Variants in CACNA1C observed in about 807,000 individuals in gnomAD.
The protein encoded by CACNA1C is calcium voltage-gated channel subunit alpha1 C.
A neutral mutation model predicts 229.0 loss-of-function variants in CACNA1C; 30 were observed. The ratio of observed to expected loss-of-function variants is 0.13; its 90% CI spans 0.10 to 0.18. The LOEUF (loss-of-function observed/expected upper bound fraction) is 0.18, where lower values mean the gene tolerates loss of function less well. Among genes scored for constraint, CACNA1C ranks in the 10% least tolerant of loss-of-function variants. CACNA1C has a pLI of 1.00. For synonymous variants in CACNA1C, 1,114 were observed against 1,132.5 expected (o/e 0.98, Z 0.33); for missense variants, 1,658 against 2,845.0 (o/e 0.58, Z 9.49).
At chr12:2,355,038 T>C (rs1243306210) in intron 3 of CACNA1C, among the ~76,000 whole-genome samples, 1 of 152,110 alleles carries the variant, frequency 6.6e-6, no homozygotes, top group Non-Finnish European at 1.5e-5. Flanking sequence ...TAACATTGTG[T>C]AAGGTTGGAT....
chr12:2,518,858 G>GGA (rs1302355958), intron 9 of CACNA1C, among the ~76,000 whole-genome samples: 5 of 152,344 alleles, frequency 3.3e-5, no homozygotes, highest in Middle Eastern at 6.8e-3. Flanking sequence ...AGTAGCTCCT[G>GGA]GGCCTTCACG....
chr12:2,330,417 G>A (rs534549951), intron 3 of CACNA1C, among the ~76,000 whole-genome samples: 6 of 152,312 alleles, frequency 3.9e-5, no homozygotes, highest in African/African-American at 1.4e-4. Context: ...AAGATTTATT[G>A]AGTTCCTCCA....
intron 3 of CACNA1C, among the ~76,000 whole-genome samples, chr12:2,356,617 A>T (rs2097370802): frequency 6.6e-6 from 1 of 152,224 alleles, no homozygotes; most frequent in South Asian, 2.1e-4. Flanking sequence ...GTGAGGCAGA[A>T]AAAACATGAC....
chr12:2,380,113 A>C (rs1253227870), intron 3 of CACNA1C, among the ~76,000 whole-genome samples: 1 of 151,940 alleles, frequency 6.6e-6, no homozygotes, highest in Non-Finnish European at 1.5e-5. Context: ...GTGATGGTCA[A>C]GTCAGCTTAA....
At chr12:2,478,449 A>G (rs2099642636) in intron 5 of CACNA1C, among the ~76,000 whole-genome samples, 3 of 152,156 alleles carry the variant, frequency 2.0e-5, no homozygotes, top group East Asian at 1.9e-4. Flanking sequence ...TTCCCCACCC[A>G]TGATGGAGAA....
intron 10 of CACNA1C, among the ~76,000 whole-genome samples, chr12:2,551,347 C>A (rs535754033): frequency 3.3e-5 from 5 of 152,314 alleles, no homozygotes; most frequent in Admixed American, 6.5e-5. Context: ...ACGGATGGAG[C>A]CTGGCAGTCT....
intron 3 of CACNA1C, among the ~76,000 whole-genome samples, chr12:2,363,800 G>A (rs1341216362): frequency 6.6e-6 from 1 of 152,214 alleles, no homozygotes; most frequent in Non-Finnish European, 1.5e-5. Context: ...TTTGGGGTAG[G>A]GGGACGGTAA....
chr12:2,414,481 A>G (rs1475677151), intron 3 of CACNA1C, among the ~76,000 whole-genome samples: 3 of 152,166 alleles, frequency 2.0e-5, no homozygotes, highest in African/African-American at 7.2e-5. Context: ...GAAGGGAAGG[A>G]CCTGGGAGGC....
chr12:2,441,909 C>T (rs2099231794), intron 3 of CACNA1C, among the ~76,000 whole-genome samples: 1 of 152,160 alleles, frequency 6.6e-6, no homozygotes, highest in African/African-American at 2.4e-5. Flanking sequence ...GATGGGGAGT[C>T]AAAGCCTCCT....
At chr12:2,335,626 G>A (rs186315695) in intron 3 of CACNA1C, among the ~76,000 whole-genome samples, 1 of 152,192 alleles carries the variant, frequency 6.6e-6, no homozygotes, top group East Asian at 1.9e-4. Flanking sequence ...GCCTTTCCAG[G>A]TGCAGGACAG....
At chr12:2,473,978 A>G (rs564122140) in intron 5 of CACNA1C, among the ~76,000 whole-genome samples, 1 of 152,274 alleles carries the variant, frequency 6.6e-6, no homozygotes, top group Admixed American at 6.5e-5. Context: ...GTTCTTTGTT[A>G]CACTCCATCT....
At chr12:2,024,737 A>G (rs1025644001) in intron 1 of CACNA1C, among the ~76,000 whole-genome samples, 1 of 152,238 alleles carries the variant, frequency 6.6e-6, no homozygotes, top group Admixed American at 6.5e-5. Flanking sequence ...AAGATGAACC[A>G]AAGGGCCTGT....
chr12:2,020,967 G>A (rs1370679144), intron 1 of CACNA1C, among the ~76,000 whole-genome samples: 1 of 152,036 alleles, frequency 6.6e-6, no homozygotes, highest in East Asian at 1.9e-4. Flanking sequence ...TGACTTCTTG[G>A]GGCCATACAT....
chr12:2,055,815 C>T (rs2054492315), intron 1 of CACNA1C, among the ~76,000 whole-genome samples: 1 of 152,156 alleles, frequency 6.6e-6, no homozygotes, highest in Admixed American at 6.5e-5. Flanking sequence ...TCCCTGTCTC[C>T]CCTCTACTCT....
At chr12:2,316,411 T>TA (rs1392560560) in intron 3 of CACNA1C, among the ~76,000 whole-genome samples, 1 of 152,096 alleles carries the variant, frequency 6.6e-6, no homozygotes, top group Non-Finnish European at 1.5e-5. Context: ...AGTGTAGGCT[T>TA]TTTGTTATTG....
At chr12:2,269,209 C>T (rs1442727929) in intron 3 of CACNA1C, among the ~76,000 whole-genome samples, 2 of 152,108 alleles carry the variant, frequency 1.3e-5, no homozygotes, top group East Asian at 1.9e-4. Flanking sequence ...CCAAGGAGTC[C>T]GGGAGGGAAT....
chr12:2,501,047 A>T (rs866281990), intron 7 of CACNA1C, among the ~76,000 whole-genome samples: 12,469 of 150,242 alleles, frequency 0.083, 630 homozygotes, highest in Non-Finnish European at 0.11. Context: ...TCTACTTTAA[A>T]AAAAAAAAAA....
At chr12:2,364,739 C>CATGGAGG (rs2097678101) in intron 3 of CACNA1C, among the ~76,000 whole-genome samples, 1 of 152,004 alleles carries the variant, frequency 6.6e-6, no homozygotes, top group South Asian at 2.1e-4. Context: ...GGAGAAAGAC[C>CATGGAGG]AGTCATTTCG....
intron 10 of CACNA1C, 37 bp downstream of exon 10, chr12:2,550,070 T>C (rs1180106084): frequency 7.4e-7 from 1 of 1,360,048 alleles, no homozygotes; most frequent in Non-Finnish European, 1.0e-6. Flanking sequence ...CTGGGGCTTT[T>C]TCTGGAGCAT....
Sources: allele counts gnomAD v4.1 joint callset (sites outside exome capture counted in the v4.1 genomes callset), GRCh38; gene constraint gnomAD v4.1.1; transcripts MANE v1.5; gene names NCBI Gene and HGNC (gene_info 2026-07-23, HGNC 2026-07-21).